Variants in BMP1 observed in about 807,000 individuals in gnomAD.
BMP1 encodes the protein mammalian tolloid protein.
Under a neutral mutation model 116.8 loss-of-function variants are expected in BMP1, and 63 were observed. The ratio of observed to expected loss-of-function variants is 0.54; its 90% CI spans 0.44 to 0.67. The LOEUF is 0.67. BMP1 is among the 30% of genes least tolerant of loss of function. The probability of loss-of-function intolerance (pLI) is 0.00; values close to 1 mark genes in which losing one functional copy is unlikely to be tolerated. For synonymous variants in BMP1, 536 were observed against 533.4 expected, an observed-to-expected ratio of 1.00 and a Z score of -0.07; for missense variants, 1,183 against 1,358.9, an observed-to-expected ratio of 0.87 and a Z score of 2.04.
At chr8:22,209,205 T>A (rs997886214) in intron 18 of BMP1, among the ~76,000 whole-genome samples, 1 of 152,178 alleles carries the variant, frequency 6.6e-6, no homozygotes, top group Non-Finnish European at 1.5e-5. Flanking sequence ...CACCGCTCCA[T>A]GCTGTCTTCC....
At chr8:22,186,702 G>A (rs1043819831) in intron 8 of BMP1, among the ~76,000 whole-genome samples, 1 of 151,968 alleles carries the variant, frequency 6.6e-6, no homozygotes, top group Non-Finnish European at 1.5e-5. Context: ...CCTGACCTCA[G>A]GTGATCCTGC....
Position 22,209,672 on chromosome 8 carries a change from C to A in BMP1, c.2803C>A (p.Leu935Met). ...FDGYDSTAPR[L>M]GRYCGSGPPE... The stretch of plus-strand genomic sequence containing the variant: ...CGGCTACGACAGCACAGCCCCCAGG[C>A]TGGGGCGCTACTGTGGCTCAGGGGT... The change falls in exon 19 of 20, where the codon CTG becomes ATG. Residue 935 changes from leucine (L) to methionine (M), a missense_variant. Transcript: ENST00000306385. 1.2e-6 allele frequency: 2 copies of A among 1,613,976 alleles called. No homozygotes were observed. The highest frequency in any genetic ancestry group is 1.7e-6 in the Non-Finnish European group (2 of 1,179,968).
chr8:22,188,727 T>G (rs1440397562), intron 8 of BMP1, among the ~76,000 whole-genome samples: 1 of 152,232 alleles, frequency 6.6e-6, no homozygotes, highest in Admixed American at 6.5e-5. Flanking sequence ...TCCTGAGCGA[T>G]GTGACCTCTG....
At chr8:22,172,074 G>A (rs916821775) in intron 1 of BMP1, among the ~76,000 whole-genome samples, 7 of 152,226 alleles carry the variant, frequency 4.6e-5, no homozygotes, top group Non-Finnish European at 1.0e-4. Flanking sequence ...GTGTGTGTGT[G>A]TGTTCACCAG....
At chr8:22,207,092 G>T in intron 17 of BMP1, 111 bp downstream of exon 17, 1 of 1,521,956 alleles carries the variant, frequency 6.6e-7, no homozygotes, top group Non-Finnish European at 8.9e-7. Flanking sequence ...ATCCCCAGGA[G>T]ACCCCAAGTC....
At position 22,194,706 on chromosome 8, in the gene BMP1, T is replaced by C. The variant is rs368658429; in HGVS notation, c.1444-18T>C. 10 of 1,594,220 alleles carry C rather than the reference T, an allele frequency of 6.3e-6. No homozygotes were observed. The highest frequency in any genetic ancestry group is 8.6e-6 in the Non-Finnish European group (10 of 1,168,726). On this transcript the variant is annotated intron_variant, in intron 11 of 19. Coordinates refer to ENST00000306385, the MANE Select transcript of BMP1 (RefSeq NM_006129.5). This position sits in a 1 kb window ranked among gnomAD's most constrained non-coding sequence, Gnocchi z 4.5. ...TGGCAGCCAGAGCCCCTTCCACTGATGAAGCCTCGACCCCTAGATTGAGCG... is the reference window on the plus strand; with the variant it reads ...TGGCAGCCAGAGCCCCTTCCACTGACGAAGCCTCGACCCCTAGATTGAGCG...
chr8:22,176,682 C>A (rs369139870), intron 4 of BMP1, 32 bp downstream of exon 4: 1 of 1,606,076 alleles, frequency 6.2e-7, no homozygotes, highest in South Asian at 1.1e-5. Flanking sequence ...CTGTACCTTC[C>A]GCCATTGCCC....
chr8:22,210,468 T>A (rs78173058), intron 19 of BMP1, among the ~76,000 whole-genome samples: 11,211 of 135,348 alleles, frequency 0.083, 1,505 homozygotes, highest in African/African-American at 0.29. Flanking sequence ...TCTCTCTCTC[T>A]CACACACATA....
At position 22,204,770 on chromosome 8, in the gene BMP1, A is replaced by C. The variant is rs1829323034; in HGVS notation, c.2234-2084A>C. Among the ~76,000 whole-genome samples the C allele has an allele frequency of 2.2e-5, 3 of 136,950 alleles. No homozygotes were observed. The Admixed American group carries it at 2.4e-4, about 11-fold the overall frequency. 89.8% of individuals were successfully genotyped at this position (136,950 alleles called of 152,430 possible). A position where few individuals can be genotyped will look rare whatever the true frequency, so the allele number is the denominator to read the frequency against. On this transcript the variant is annotated intron_variant, in intron 16 of 19. Transcript: ENST00000306385. ...AAAAAGAAATTGAGTTGGGGAAGCC[A>C]TGCTTTTCAGAGGCAGAAGTCAGAT...
intron 8 of BMP1, among the ~76,000 whole-genome samples, chr8:22,186,405 G>A (rs1216716830): frequency 2.0e-5 from 3 of 152,180 alleles, no homozygotes; most frequent in East Asian, 1.9e-4. Flanking sequence ...GCTGTGCCAC[G>A]TACTGGCTGT....
At chr8:22,192,687 A>T (rs1370104667) in intron 9 of BMP1, among the ~76,000 whole-genome samples, 1 of 152,096 alleles carries the variant, frequency 6.6e-6, no homozygotes, top group African/African-American at 2.4e-5. Flanking sequence ...TGTCCCGAGG[A>T]GGGTAGGGGG....
intron 8 of BMP1, among the ~76,000 whole-genome samples, chr8:22,183,218 C>T (rs1479902291): frequency 2.6e-5 from 4 of 152,158 alleles, no homozygotes; most frequent in Non-Finnish European, 5.9e-5. Context: ...GAGTTTGAGA[C>T]CAGCCTGGCT....
chr8:22,190,499 A>G (rs1308756918), intron 8 of BMP1, among the ~76,000 whole-genome samples: 1 of 152,116 alleles, frequency 6.6e-6, no homozygotes, highest in African/African-American at 2.4e-5. Context: ...GGCCCTTGAA[A>G]CTGAGATTAT....
intron 1 of BMP1, among the ~76,000 whole-genome samples, chr8:22,168,380 G>T (rs1055558315): frequency 1.3e-4 from 20 of 152,112 alleles, no homozygotes; most frequent in African/African-American, 4.8e-4. Context: ...CAGGTGACTA[G>T]CCAACACCCC....
intron 9 of BMP1, among the ~76,000 whole-genome samples, chr8:22,192,579 A>G (rs190371685): frequency 4.6e-5 from 7 of 152,304 alleles, no homozygotes; most frequent in African/African-American, 1.4e-4. Context: ...AGCCTGGCTC[A>G]AAAGAGAGTC....
intron 1 of BMP1, among the ~76,000 whole-genome samples, chr8:22,168,393 C>T (rs1026815078): frequency 3.3e-5 from 5 of 152,174 alleles, no homozygotes; most frequent in African/African-American, 7.2e-5. Flanking sequence ...AACACCCCCC[C>T]GGAGAGACCT....
chr8:22,201,073 AC>A, intron 15 of BMP1: 4 of 704,694 alleles, frequency 5.7e-6, no homozygotes, highest in Non-Finnish European at 7.9e-6. Context: ...CCTGCCCTCC[AC>A]CCCCACCCCT....
chr8:22,166,090 T>C (rs1017090900), intron 1 of BMP1, among the ~76,000 whole-genome samples: 1 of 151,474 alleles, frequency 6.6e-6, no homozygotes, highest in South Asian at 2.1e-4. Context: ...AAGAAGAAAG[T>C]TTTTCCAGGG....
chr8:22,177,753 A>G (rs1162294000), intron 5 of BMP1, 99 bp from the exon 6 acceptor site: 5 of 932,098 alleles, frequency 5.4e-6, no homozygotes, highest in Non-Finnish European at 8.8e-6. Flanking sequence ...TCTCTCAGAT[A>G]CAGGAAGGAC....
Sources: gnomAD v4.1 joint callset for allele counts (sites outside exome capture counted in the v4.1 genomes callset) on GRCh38, gnomAD v4.1.1 for gene constraint, Gnocchi (gnomAD v3.1) non-coding constraint, MANE v1.5 for transcripts, NCBI Gene and HGNC (gene_info 2026-07-23, HGNC 2026-07-21) for gene names.